The following ATP13A4 variants were observed in gnomAD, a reference collection of about 807,000 sequenced individuals.
ATP13A4 encodes probable cation-transporting ATPase 13A4.
Under a neutral mutation model 142.5 loss-of-function variants are expected in ATP13A4, and 114 were observed. The ratio of observed to expected loss-of-function variants is 0.80; its 90% CI spans 0.69 to 0.93. The LOEUF (loss-of-function observed/expected upper bound fraction) is 0.93, where lower values mean the gene tolerates loss of function less well. ATP13A4 is among the 40% of genes least tolerant of loss of function. ATP13A4 has a pLI of 0.00. For missense variants in ATP13A4, 1,392 were observed against 1,454.0 expected (o/e 0.96, Z 0.69); for synonymous variants, 488 against 514.8 (o/e 0.95, Z 0.70).
chr3:193,535,686 A>G (rs959987643), intron 1 of ATP13A4, among the ~76,000 whole-genome samples: 1 of 152,112 alleles, frequency 6.6e-6, no homozygotes, highest in Non-Finnish European at 1.5e-5. Context: ...TAAAGATAAA[A>G]ACAGAAATCA....
At chr3:193,413,432 G>A (rs1002877728) in intron 26 of ATP13A4, among the ~76,000 whole-genome samples, 1 of 152,180 alleles carries the variant, frequency 6.6e-6, no homozygotes, top group Admixed American at 6.5e-5. Flanking sequence ...GGGAACAAGG[G>A]AAGACAACCA....
chr3:193,560,166 T>G (rs1262821041), intron 2 of ATP13A4, among the ~76,000 whole-genome samples: 1 of 152,094 alleles, frequency 6.6e-6, no homozygotes, highest in Non-Finnish European at 1.5e-5. Context: ...GCTAAAACTC[T>G]CAAGTCTTAT....
intron 15 of ATP13A4, 96 bp downstream of exon 15, chr3:193,457,283 A>G: frequency 6.4e-7 from 1 of 1,572,364 alleles, no homozygotes; most frequent in Non-Finnish European, 8.8e-7. Flanking sequence ...CACACCTGAA[A>G]TTCAAAGACA....
chr3:193,441,411 G>A lies in ATP13A4; in HGVS notation c.2439+55C>T. On this transcript the variant is annotated intron_variant, in intron 20 of 29. Transcript: ENST00000342695. ...TTGAAATAATTTAGGACCATGTTCT[G>A]TAAGTGACATCATCAGCATTTTCAT... The A allele has an allele frequency of 4.4e-6, 7 of 1,601,488 alleles. No homozygotes were observed. In the South Asian group the frequency reaches 5.5e-5, roughly 13 times the overall value.
chr3:193,441,403 C>G, intron 20 of ATP13A4, 63 bp downstream of exon 20: 1 of 1,590,364 alleles, frequency 6.3e-7, no homozygotes, highest in Non-Finnish European at 8.6e-7. Flanking sequence ...AATTTAGGAC[C>G]ATGTTCTGTA....
intron 27 of ATP13A4, among the ~76,000 whole-genome samples, chr3:193,411,397 A>T (rs1714759356): frequency 6.6e-6 from 1 of 152,236 alleles, no homozygotes; most frequent in African/African-American, 2.4e-5. Flanking sequence ...AATGCAAATT[A>T]TCTACCTCAA....
intron 2 of ATP13A4, among the ~76,000 whole-genome samples, chr3:193,576,719 T>C (rs938148464): frequency 6.6e-6 from 1 of 152,186 alleles, no homozygotes; most frequent in Non-Finnish European, 1.5e-5. Context: ...AAAAGGAATG[T>C]ATTAGGTAAT....
chr3:193,470,796 C>A, intron 9 of ATP13A4, 63 bp downstream of exon 9: 1 of 1,611,428 alleles, frequency 6.2e-7, no homozygotes, highest in South Asian at 1.1e-5. Flanking sequence ...GGCGTAGGGA[C>A]CATAGCAGCG....
intron 28 of ATP13A4, among the ~76,000 whole-genome samples, chr3:193,409,296 A>G (rs1714652712): frequency 6.6e-6 from 1 of 152,250 alleles, no homozygotes; most frequent in South Asian, 2.1e-4. Flanking sequence ...GAATAATGTT[A>G]TAATTTTCCT....
At chr3:193,525,247 A>G (rs1379808380) in intron 1 of ATP13A4, among the ~76,000 whole-genome samples, 1 of 152,238 alleles carries the variant, frequency 6.6e-6, no homozygotes, top group Non-Finnish European at 1.5e-5. Flanking sequence ...ATAAATGTTT[A>G]GCAAACATCT....
At chr3:193,580,281 G>A (rs932751503) in intron 2 of ATP13A4, among the ~76,000 whole-genome samples, 3 of 152,122 alleles carry the variant, frequency 2.0e-5, no homozygotes, top group Non-Finnish European at 4.4e-5. Flanking sequence ...TCCAAACTGG[G>A]AGACAGTAAG....
intron 1 of ATP13A4, among the ~76,000 whole-genome samples, chr3:193,553,972 T>C (rs1723739944): frequency 6.6e-6 from 1 of 152,238 alleles, no homozygotes; most frequent in Admixed American, 6.5e-5. Flanking sequence ...TAAAAGACTA[T>C]GCTTACACAA....
intron 2 of ATP13A4, among the ~76,000 whole-genome samples, chr3:193,569,982 A>G (rs1404513913): frequency 6.6e-6 from 1 of 151,008 alleles, no homozygotes; most frequent in Non-Finnish European, 1.5e-5. Context: ...TGGAGAGTTT[A>G]TTTTTTAAAA....
intron 25 of ATP13A4, among the ~76,000 whole-genome samples, chr3:193,426,310 G>C (rs903455299): frequency 7.9e-5 from 12 of 151,574 alleles, no homozygotes; most frequent in Non-Finnish European, 1.0e-4. Flanking sequence ...AAAGAGAAAG[G>C]CTTCCACACT....
At chr3:193,522,784 G>T (rs757339126) in intron 1 of ATP13A4, among the ~76,000 whole-genome samples, 4 of 152,218 alleles carry the variant, frequency 2.6e-5, no homozygotes, top group Non-Finnish European at 5.9e-5. Context: ...CCAATAGCCA[G>T]ACAGTGGTTT....
At chr3:193,404,717 C>T (rs1714408353) in intron 29 of ATP13A4, among the ~76,000 whole-genome samples, 3 of 152,156 alleles carry the variant, frequency 2.0e-5, no homozygotes, top group African/African-American at 7.2e-5. Flanking sequence ...AGCCATGCTT[C>T]TGGTACAGCC....
At chr3:193,413,536 C>G (rs892474452) in intron 26 of ATP13A4, among the ~76,000 whole-genome samples, 4 of 152,066 alleles carry the variant, frequency 2.6e-5, no homozygotes, top group African/African-American at 9.7e-5. Flanking sequence ...GGGAAGAGAC[C>G]GTTGAATTCT....
chr3:193,399,136 G>A lies in ATP13A4; in HGVS notation c.*3516C>T, dbSNP rs907030639. ...TTTAGTGAGGGAAGCCCAGAGTCACGGTTCTCTGTGGGTAAGAGCTAGATG... is the reference window on the plus strand; with the variant it reads ...TTTAGTGAGGGAAGCCCAGAGTCACAGTTCTCTGTGGGTAAGAGCTAGATG... On this transcript the variant is annotated 3_prime_UTR_variant, in exon 30 of 30. Coordinates refer to ENST00000342695, the MANE Select transcript of ATP13A4 (RefSeq NM_032279.4). Among the ~76,000 whole-genome samples, 2 of 152,098 alleles carry A rather than the reference G, an allele frequency of 1.3e-5. No homozygotes were observed. The highest frequency in any genetic ancestry group is 6.5e-5 in the Admixed American group (1 of 15,270).
intron 3 of ATP13A4, among the ~76,000 whole-genome samples, chr3:193,496,724 G>A (rs575642287): frequency 3.9e-5 from 6 of 152,208 alleles, no homozygotes; most frequent in Non-Finnish European, 7.4e-5. Context: ...CTGGGAGGCC[G>A]AGGTTGCAGT....
Sources: allele counts gnomAD v4.1 joint callset (sites outside exome capture counted in the v4.1 genomes callset), GRCh38; gene constraint gnomAD v4.1.1; transcripts MANE v1.5; gene names NCBI Gene and HGNC (gene_info 2026-07-23, HGNC 2026-07-21).